Variants in TRAPPC9 observed in about 807,000 individuals in gnomAD.
The protein encoded by TRAPPC9 is IKK2 binding protein.
Under a neutral mutation model 124.0 loss-of-function variants are expected in TRAPPC9, and 83 were observed. That is an observed-to-expected ratio of 0.67 (90% CI 0.56 to 0.80). TRAPPC9 has a LOEUF of 0.80. Ranked by LOEUF, TRAPPC9 falls within the 30% of genes least tolerant of loss-of-function variation. The pLI is 0.00. For synonymous variants in TRAPPC9, 638 were observed against 617.5 expected (o/e 1.03, Z -0.49); for missense variants, 1,302 against 1,508.3 (o/e 0.86, Z 2.27).
chr8:140,125,781 G>C (rs1251394117), intron 17 of TRAPPC9, among the ~76,000 whole-genome samples: 1 of 151,736 alleles, frequency 6.6e-6, no homozygotes, highest in African/African-American at 2.4e-5. Flanking sequence ...ACTTTAGTGA[G>C]ACGGGTTCAT....
chr8:140,350,803 G>C (rs1005955235), intron 9 of TRAPPC9, among the ~76,000 whole-genome samples: 1 of 152,152 alleles, frequency 6.6e-6, no homozygotes, highest in Non-Finnish European at 1.5e-5. Context: ...TAAGGGACAA[G>C]GTGGGAGAGA....
chr8:140,095,419 CA>C (rs1844870760), intron 17 of TRAPPC9: 1 of 152,178 alleles, frequency 6.6e-6, no homozygotes, highest in Admixed American at 6.5e-5. Context: ...TAATCTTGAA[CA>C]GTTACATTAA....
At chr8:140,239,602 C>G (rs557443409) in intron 16 of TRAPPC9, among the ~76,000 whole-genome samples, 1 of 152,286 alleles carries the variant, frequency 6.6e-6, no homozygotes, top group South Asian at 2.1e-4. Flanking sequence ...CACCTCCTCA[C>G]GGCCGTGGAG....
chr8:140,336,282 T>C (rs2067037442), intron 9 of TRAPPC9, among the ~76,000 whole-genome samples: 1 of 152,156 alleles, frequency 6.6e-6, no homozygotes. Flanking sequence ...ACAAAAGATT[T>C]TGTTCAACAG....
chr8:140,424,080 A>G (rs927948996), intron 5 of TRAPPC9, among the ~76,000 whole-genome samples: 1 of 152,182 alleles, frequency 6.6e-6, no homozygotes, highest in Non-Finnish European at 1.5e-5. Context: ...CTTTGTAAAT[A>G]TACTAAAAAT....
At chr8:140,359,898 A>G in intron 9 of TRAPPC9, 152 bp downstream of exon 9, 1 of 1,095,590 alleles carries the variant, frequency 9.1e-7, no homozygotes, top group South Asian at 1.3e-5. Flanking sequence ...GGAGGGAGCC[A>G]AGGCATGGGG....
At chr8:140,144,733 T>A (rs563963623) in intron 17 of TRAPPC9, among the ~76,000 whole-genome samples, 1 of 151,720 alleles carries the variant, frequency 6.6e-6, no homozygotes, top group African/African-American at 2.4e-5. Context: ...GTGATCCACC[T>A]GCTTCAGCCT....
At chr8:140,089,150 GT>G (rs1424973738) in intron 17 of TRAPPC9, among the ~76,000 whole-genome samples, 7 of 152,200 alleles carry the variant, frequency 4.6e-5, no homozygotes, top group African/African-American at 1.7e-4. Context: ...GGCTGTACAA[GT>G]TTCTCCTCGA....
At chr8:140,042,695 A>T (rs1841348138) in intron 17 of TRAPPC9, among the ~76,000 whole-genome samples, 1 of 152,212 alleles carries the variant, frequency 6.6e-6, no homozygotes, top group Non-Finnish European at 1.5e-5. Flanking sequence ...AGCAAAGCAA[A>T]GGTGGCAGAG....
rs553492678 is a variant in TRAPPC9, at chr8:139,925,175, G to A, written c.2811-14875C>T. On this transcript the variant is annotated intron_variant, in intron 19 of 22. Transcript: ENST00000438773. Reference sequence around the variant, plus strand: ...GGAATGAGCTCGCCCACGGGGTGGCGGCGCCTCCCACTTTTCCCTCGACCT... The same window carrying A: ...GGAATGAGCTCGCCCACGGGGTGGCAGCGCCTCCCACTTTTCCCTCGACCT... Among the ~76,000 whole-genome samples, 520 of 152,290 alleles carry A rather than the reference G, an allele frequency of 3.4e-3. 1 individual carries two copies. Among genetic ancestry groups the A allele is most frequent in the African/African-American group, 0.011 (468 of 41,558 alleles).
At chr8:139,819,586 A>G (rs552558984) in intron 21 of TRAPPC9, among the ~76,000 whole-genome samples, 17 of 152,336 alleles carry the variant, frequency 1.1e-4, no homozygotes, top group African/African-American at 3.8e-4. Context: ...AGAGACAACT[A>G]TAGATAAATT....
chr8:139,998,198 A>T lies in TRAPPC9; in HGVS notation c.2700-9362T>A, dbSNP rs954834103. Among the ~76,000 whole-genome samples the T allele has an allele frequency of 5.9e-5, 9 of 152,396 alleles. No homozygotes were observed. The East Asian group carries it at 1.5e-3, about 26-fold the overall frequency. On this transcript the variant is annotated intron_variant, in intron 18 of 22. Transcript: ENST00000438773. ...TGAAAGAAAAGAATGTCAACTCAGA[A>T]GTCCATATCTATTAAAGTATCTTTC...
intron 5 of TRAPPC9, among the ~76,000 whole-genome samples, chr8:140,423,849 A>C (rs1379848500): frequency 1.3e-5 from 2 of 152,200 alleles, no homozygotes; most frequent in African/African-American, 2.4e-5. Flanking sequence ...ACATACAGTA[A>C]GTGAAAGAGG....
At chr8:139,778,164 A>AAC (rs146077374) in intron 21 of TRAPPC9, among the ~76,000 whole-genome samples, 52 of 151,642 alleles carry the variant, frequency 3.4e-4, no homozygotes, top group African/African-American at 8.7e-4. Context: ...CCATCAGTCA[A>AAC]ACACACACAC....
chr8:140,003,762 C>A (rs1488605553), intron 18 of TRAPPC9, among the ~76,000 whole-genome samples: 1 of 152,132 alleles, frequency 6.6e-6, no homozygotes, highest in Non-Finnish European at 1.5e-5. Context: ...AATGGTACTA[C>A]CACTCTGGAA....
At chr8:139,789,720 C>T (rs866060596) in intron 21 of TRAPPC9, among the ~76,000 whole-genome samples, 9 of 152,104 alleles carry the variant, frequency 5.9e-5, no homozygotes, top group East Asian at 3.9e-4. Flanking sequence ...ACACCTGTGA[C>T]GCCGGAAGCC....
intron 17 of TRAPPC9, among the ~76,000 whole-genome samples, chr8:140,112,408 G>A (rs1387557424): frequency 2.6e-5 from 4 of 151,090 alleles, no homozygotes; most frequent in African/African-American, 7.3e-5. Flanking sequence ...GAGAGTAATG[G>A]AGAATTCCAG....
chr8:139,872,724 GTGGGTGGA>G lies in TRAPPC9; in HGVS notation c.3055+13147_3055+13154del, dbSNP rs1829035112. On this transcript the variant is annotated intron_variant, in intron 21 of 22. Coordinates refer to ENST00000438773, the MANE Select transcript of TRAPPC9 (RefSeq NM_001160372.4). The stretch of plus-strand genomic sequence containing the variant: ...GTTGGATAAGTGGATGGATGGATGG[GTGGGTGGA>G]TGGATGGATGGGTGGATGGATGGAT... Among the ~76,000 whole-genome samples, 2 of 810 alleles carry G rather than the reference GTGGGTGGA, an allele frequency of 2.5e-3. 1 individual carries two copies. Among genetic ancestry groups the G allele is most frequent in the African/African-American group, 0.012 (2 of 170 alleles). 0.5% of individuals were successfully genotyped at this position (810 alleles called of 152,430 possible). A position where few individuals can be genotyped will look rare whatever the true frequency, so the allele number is the denominator to read the frequency against.
chr8:139,751,718 CCATCCATCCAG>C (rs919141923), intron 21 of TRAPPC9, among the ~76,000 whole-genome samples: 1 of 152,084 alleles, frequency 6.6e-6, no homozygotes, highest in Non-Finnish European at 1.5e-5. Context: ...CATCTACCAT[CCATCCATCCAG>C]CATCCATCCA....
Sources: allele counts gnomAD v4.1 joint callset (sites outside exome capture counted in the v4.1 genomes callset), GRCh38; gene constraint gnomAD v4.1.1; transcripts MANE v1.5; gene names NCBI Gene and HGNC (gene_info 2026-07-23, HGNC 2026-07-21).